The following ZC3H13 variants were observed in gnomAD, a reference collection of about 807,000 sequenced individuals.
ZC3H13 encodes the protein zinc finger CCCH domain-containing protein 13.
In ZC3H13, 64 loss-of-function variants were observed where a neutral mutation model predicts 204.1. That is an observed-to-expected ratio of 0.31 (90% CI 0.26 to 0.39). The LOEUF (loss-of-function observed/expected upper bound fraction) is 0.39. Ranked by LOEUF, ZC3H13 falls within the 10% of genes least tolerant of loss-of-function variation. The pLI is 1.00. For synonymous variants in ZC3H13, 667 were observed against 693.7 expected (o/e 0.96, Z 0.60); for missense variants, 1,833 against 2,082.7 (o/e 0.88, Z 2.33).
chr13:45,982,546 C>G lies in ZC3H13; in HGVS notation c.1721-2542G>C, dbSNP rs73478676. 7.6e-3 allele frequency among the ~76,000 whole-genome samples: 1,158 copies of G among 152,154 alleles called. 15 individuals are homozygous for G. The highest frequency in any genetic ancestry group is 0.026 in the African/African-American group (1,098 of 41,536). On this transcript the variant is annotated intron_variant, in intron 10 of 18. Coordinates refer to ENST00000679008, the MANE Select transcript of ZC3H13 (RefSeq NM_001330564.2). ...CCTGAAAGGATGGAAAAAGATATATCAAACAAATACTAACCAAAAGACAGC... is the reference window on the plus strand; with the variant it reads ...CCTGAAAGGATGGAAAAAGATATATGAAACAAATACTAACCAAAAGACAGC...
chr13:46,043,975 A>G (rs2043766186), intron 3 of ZC3H13, among the ~76,000 whole-genome samples: 1 of 152,032 alleles, frequency 6.6e-6, no homozygotes, highest in South Asian at 2.1e-4. Context: ...CACATATACA[A>G]TAAACACTAA....
At chr13:46,029,682 C>T (rs1178870358) in intron 4 of ZC3H13, among the ~76,000 whole-genome samples, 1 of 151,988 alleles carries the variant, frequency 6.6e-6, no homozygotes, top group Non-Finnish European at 1.5e-5. Context: ...CCCGCCTCGG[C>T]CTCCCAAAGT....
intron 9 of ZC3H13, among the ~76,000 whole-genome samples, chr13:45,988,332 A>G (rs532385245): frequency 6.6e-6 from 1 of 152,178 alleles, no homozygotes; most frequent in South Asian, 2.1e-4. Context: ...ATCTTGGCTC[A>G]CTGCAAGCTC....
chr13:45,989,712 A>G lies in ZC3H13; in HGVS notation c.945-615T>C, dbSNP rs578089455. On this transcript the variant is annotated intron_variant, in intron 8 of 18. Transcript: ENST00000679008. ...GAGTTAGTTCATAGTTCTTGGTTCAACTAAGGCCTCCCCTATTCCCTTCAA... is the reference window on the plus strand; with the variant it reads ...GAGTTAGTTCATAGTTCTTGGTTCAGCTAAGGCCTCCCCTATTCCCTTCAA... Among the ~76,000 whole-genome samples, 98 of 152,352 alleles carry G rather than the reference A, an allele frequency of 6.4e-4. 1 individual carries two copies. The highest frequency in any genetic ancestry group is 9.6e-4 in the Non-Finnish European group (65 of 68,026).
At chr13:46,015,082 C>T (rs951451936) in intron 5 of ZC3H13, among the ~76,000 whole-genome samples, 4 of 152,118 alleles carry the variant, frequency 2.6e-5, no homozygotes, top group East Asian at 3.8e-4. Context: ...GACTACATTG[C>T]TAGACTGAAA....
intron 5 of ZC3H13, among the ~76,000 whole-genome samples, chr13:46,015,307 A>T (rs1273430164): frequency 6.6e-6 from 1 of 152,052 alleles, no homozygotes; most frequent in Non-Finnish European, 1.5e-5. Context: ...TCTGATACAT[A>T]TATATTTTTA....
intron 5 of ZC3H13, among the ~76,000 whole-genome samples, chr13:46,014,822 C>T (rs2041814057): frequency 6.6e-6 from 1 of 152,144 alleles, no homozygotes; most frequent in Admixed American, 6.5e-5. Context: ...TACATTTTTC[C>T]CTTTAACATT....
intron 4 of ZC3H13, among the ~76,000 whole-genome samples, chr13:46,026,504 A>G (rs1308599336): frequency 6.6e-6 from 1 of 152,120 alleles, no homozygotes; most frequent in Non-Finnish European, 1.5e-5. Context: ...AAGAACTAGA[A>G]AATACACCTT....
At chr13:46,020,378 T>G in intron 5 of ZC3H13, 71 bp downstream of exon 5, 1 of 1,140,474 alleles carries the variant, frequency 8.8e-7, no homozygotes, top group South Asian at 1.3e-5. Flanking sequence ...AAAGGTGTTC[T>G]GAAGCCCACG....
At chr13:46,020,408 A>C (rs765818292) in intron 5 of ZC3H13, 41 bp downstream of exon 5, 2 of 1,476,712 alleles carry the variant, frequency 1.4e-6, no homozygotes, top group Non-Finnish European at 1.9e-6. Context: ...GAAAGTAAAT[A>C]ATCAAGAATT....
intron 5 of ZC3H13, among the ~76,000 whole-genome samples, chr13:46,017,657 G>C (rs547545802): frequency 1.3e-5 from 2 of 152,110 alleles, no homozygotes; most frequent in African/African-American, 4.8e-5. Context: ...AAAGTTATTT[G>C]GGGGTTCTGA....
At chr13:46,050,829 TG>T (rs869067322) in intron 1 of ZC3H13, among the ~76,000 whole-genome samples, 3 of 8,808 alleles carry the variant, frequency 3.4e-4, no homozygotes, top group African/African-American at 1.1e-3. Context: ...TTAAAAAGAC[TG>T]TGCACAGAAA....
chr13:45,970,823 T>C (rs1381849235), intron 12 of ZC3H13, among the ~76,000 whole-genome samples: 1 of 152,204 alleles, frequency 6.6e-6, no homozygotes, highest in Non-Finnish European at 1.5e-5. Flanking sequence ...ATTCTTATGA[T>C]ATAAAAATGC....
chr13:46,010,211 T>A (rs910476863), intron 7 of ZC3H13, 137 bp downstream of exon 7: 1 of 891,892 alleles, frequency 1.1e-6, no homozygotes, highest in African/African-American at 1.7e-5. Flanking sequence ...TTGAAACATT[T>A]CAAATTTCTT....
chr13:46,041,625 TGACA>T (rs1205735617), intron 4 of ZC3H13, among the ~76,000 whole-genome samples: 5 of 152,308 alleles, frequency 3.3e-5, no homozygotes, highest in African/African-American at 1.2e-4. Flanking sequence ...TTTCCATTCC[TGACA>T]AACACTTTTC....
intron 8 of ZC3H13, among the ~76,000 whole-genome samples, chr13:45,997,060 A>G (rs1400080089): frequency 2.0e-5 from 3 of 152,334 alleles, no homozygotes; most frequent in African/African-American, 4.8e-5. Context: ...GGAAATTGCT[A>G]TATTTTCTGA....
At chr13:46,044,837 C>T in intron 3 of ZC3H13, 118 bp downstream of exon 3, 1 of 551,372 alleles carries the variant, frequency 1.8e-6, no homozygotes, top group Non-Finnish European at 3.0e-6. Flanking sequence ...ACTGGTAAGA[C>T]TACCACCAAT....
chr13:45,993,694 A>AT (rs2040126534), intron 8 of ZC3H13, among the ~76,000 whole-genome samples: 3 of 152,186 alleles, frequency 2.0e-5, no homozygotes, highest in Non-Finnish European at 4.4e-5. Flanking sequence ...GAAAAAAGAA[A>AT]ATGCTTCTGT....
chr13:45,999,611 G>C (rs1431579564), intron 8 of ZC3H13, among the ~76,000 whole-genome samples: 1 of 152,152 alleles, frequency 6.6e-6, no homozygotes, highest in Non-Finnish European at 1.5e-5. Flanking sequence ...TTTCAATAAA[G>C]TCTTGAACTT....
Sources: allele counts gnomAD v4.1 joint callset (sites outside exome capture counted in the v4.1 genomes callset), GRCh38; gene constraint gnomAD v4.1.1; transcripts MANE v1.5; gene names NCBI Gene and HGNC (gene_info 2026-07-23, HGNC 2026-07-21).